FAT3: variants seen among roughly 807,000 people sequenced by gnomAD.
FAT3 encodes protocadherin Fat 3.
Under a neutral mutation model 310.2 loss-of-function variants are expected in FAT3, and 95 were observed. The ratio of observed to expected loss-of-function variants is 0.31; its 90% confidence interval spans 0.26 to 0.36. FAT3 has a LOEUF of 0.36. Ranked by LOEUF, FAT3 falls within the 10% of genes least tolerant of loss-of-function variation. The pLI is 1.00. For synonymous variants in FAT3, 2,314 were observed against 2,192.9 expected, an observed-to-expected ratio of 1.06 and a Z score of -1.54; for missense variants, 5,408 against 5,715.6, an observed-to-expected ratio of 0.95 and a Z score of 1.74.
intron 20 of FAT3, among the ~76,000 whole-genome samples, chr11:92,857,694 G>T (rs1407363178): frequency 6.6e-6 from 1 of 152,166 alleles, no homozygotes; most frequent in Non-Finnish European, 1.5e-5. Flanking sequence ...CATGGCCTTT[G>T]ATGCTCAGGG....
At chr11:92,711,656 G>A (rs991743229) in intron 4 of FAT3, among the ~76,000 whole-genome samples, 1 of 152,148 alleles carries the variant, frequency 6.6e-6, no homozygotes, top group African/African-American at 2.4e-5. Context: ...CCTACTGAAG[G>A]AAAAATTATA....
At chr11:92,272,446 G>A (rs561806607) in intron 1 of FAT3, among the ~76,000 whole-genome samples, 1 of 152,242 alleles carries the variant, frequency 6.6e-6, no homozygotes, top group South Asian at 2.1e-4. Context: ...TAGGTTAGAG[G>A]ACAGGATGGT....
intron 3 of FAT3, among the ~76,000 whole-genome samples, chr11:92,642,712 G>A (rs1942006530): frequency 6.6e-6 from 1 of 152,166 alleles, no homozygotes; most frequent in Non-Finnish European, 1.5e-5. Flanking sequence ...TTACTTACTG[G>A]GAGACAGCAG....
intron 1 of FAT3, among the ~76,000 whole-genome samples, chr11:92,339,895 G>A (rs1158137611): frequency 6.6e-6 from 1 of 152,020 alleles, no homozygotes; most frequent in Non-Finnish European, 1.5e-5. Context: ...GGGCGATCAC[G>A]AGGTCAGGAG....
At chr11:92,557,395 T>A (rs1436800107) in intron 3 of FAT3, among the ~76,000 whole-genome samples, 2 of 152,130 alleles carry the variant, frequency 1.3e-5, no homozygotes, top group East Asian at 3.9e-4. Context: ...GAGAGTTTGT[T>A]GAATCCCTTT....
intron 18 of FAT3, among the ~76,000 whole-genome samples, chr11:92,843,712 G>A (rs775984487): frequency 5.9e-5 from 9 of 152,120 alleles, no homozygotes; most frequent in Non-Finnish European, 1.0e-4. Flanking sequence ...TTATTGTGTT[G>A]ATACATTTTA....
At chr11:92,586,804 A>G (rs1349678313) in intron 3 of FAT3, among the ~76,000 whole-genome samples, 1 of 152,018 alleles carries the variant, frequency 6.6e-6, no homozygotes, top group Non-Finnish European at 1.5e-5. Flanking sequence ...GCATTGAAAT[A>G]TCATGCTTTT....
At chr11:92,828,265 G>C (rs1300796501) in intron 13 of FAT3, among the ~76,000 whole-genome samples, 1 of 151,998 alleles carries the variant, frequency 6.6e-6, no homozygotes, top group African/African-American at 2.4e-5. Context: ...CAGGAACATG[G>C]CAAAGACCCA....
intron 13 of FAT3, among the ~76,000 whole-genome samples, chr11:92,812,355 G>A (rs899434948): frequency 2.0e-5 from 3 of 152,090 alleles, no homozygotes; most frequent in South Asian, 2.1e-4. Flanking sequence ...GGCCGAAGTG[G>A]GCGGATCACG....
At chr11:92,435,468 A>ATCCATCCT (rs753940306) in intron 2 of FAT3, among the ~76,000 whole-genome samples, 1 of 107,986 alleles carries the variant, frequency 9.3e-6, no homozygotes, top group African/African-American at 3.3e-5. Context: ...TCTTTTATTT[A>ATCCATCCT]TCCTTCCTTC....
intron 2 of FAT3, among the ~76,000 whole-genome samples, chr11:92,435,347 A>G (rs899405967): frequency 6.6e-6 from 1 of 152,170 alleles, no homozygotes; most frequent in Non-Finnish European, 1.5e-5. Flanking sequence ...TTCTGTGACC[A>G]CTACTAACTG....
intron 3 of FAT3, among the ~76,000 whole-genome samples, chr11:92,618,237 C>T (rs1182156582): frequency 2.0e-5 from 3 of 152,190 alleles, no homozygotes; most frequent in Non-Finnish European, 4.4e-5. Context: ...GACTGCTGTG[C>T]TAGCGGTGAG....
In FAT3 at chr11:92,603,850, C is replaced by T. The variant is rs545316757; in HGVS notation, c.3607+78902C>T. On this transcript the variant is annotated intron_variant, in intron 3 of 27. Transcript: ENST00000525166. Reference sequence around the variant, plus strand: ...ACGTTCTTCTTCTCTGACTTTTAGCCATTCCAGGATCTCTGTTTTCACTGG... The same window carrying T: ...ACGTTCTTCTTCTCTGACTTTTAGCTATTCCAGGATCTCTGTTTTCACTGG... Among the ~76,000 whole-genome samples, 7 of 152,306 alleles carry T rather than the reference C, an allele frequency of 4.6e-5. No individual in the cohort carries two copies. In the South Asian group the frequency reaches 1.2e-3, roughly 27 times the overall value.
intron 3 of FAT3, among the ~76,000 whole-genome samples, chr11:92,616,989 C>T (rs1565460195): frequency 6.6e-6 from 1 of 152,054 alleles, no homozygotes; most frequent in East Asian, 1.9e-4. Flanking sequence ...ATCTTTGTGG[C>T]ATTCTCTGTA....
intron 2 of FAT3, among the ~76,000 whole-genome samples, chr11:92,380,567 A>C (rs150341461): frequency 1.1e-3 from 162 of 152,336 alleles, no homozygotes; most frequent in African/African-American, 3.8e-3. Flanking sequence ...CAGAGATAAT[A>C]CACAGCCAAC....
chr11:92,842,216 T>C (rs972164651), intron 18 of FAT3, among the ~76,000 whole-genome samples: 4 of 152,204 alleles, frequency 2.6e-5, no homozygotes, highest in Non-Finnish European at 5.9e-5. Context: ...ATCTGTTGGT[T>C]TTCTAGTGTT....
At position 92,354,269 on chromosome 11, in the gene FAT3, T is replaced by C; in HGVS notation, c.2157T>C (p.Asn719=). 6.2e-7 allele frequency: 1 copy of C among 1,613,708 alleles called. No individual in the cohort carries two copies. Residue 719 remains asparagine, a synonymous_variant, in exon 2 of 28, where the codon AAT becomes AAC. Transcript: ENST00000525166. ...GATTTCTTGACTTTTATTCAATTAA[T>C]AGACAGGGACCATATTTTGACAAGT... ...EDGFLDFYSI[N]RQGPYFDKSF... is the part of the protein sequence containing the mutation.
In FAT3 at chr11:92,466,854, T is replaced by A. The variant is rs1264423588; in HGVS notation, c.3293-57780T>A. On this transcript the variant is annotated intron_variant, in intron 2 of 27. Coordinates refer to ENST00000525166, the MANE Select transcript of FAT3 (RefSeq NM_001367949.2). ...GGTGTTTGGTTTTTTGTCTTTGCTA[T>A]AGTTTACTGAGAATGATGATTTCCA... is the stretch of plus-strand genomic sequence containing the variant. 1.5e-3 allele frequency among the ~76,000 whole-genome samples: 222 copies of A among 150,802 alleles called. 1 individual carries two copies. Among genetic ancestry groups the A allele is most frequent in the Admixed American group, 0.013 (196 of 14,604 alleles).
chr11:92,801,865 G>C lies in FAT3; in HGVS notation c.8852G>C (p.Arg2951Thr), dbSNP rs375952962. Residue 2951 changes from arginine (R) to threonine (T), a missense_variant, in exon 10 of 28, where the codon AGA becomes ACA. This residue lies in a region of FAT3 where 4,588 missense variants were observed against 4,809.8 expected (regional missense o/e 0.95). Coordinates refer to ENST00000525166, the MANE Select transcript of FAT3 (RefSeq NM_001367949.2). ...GTAGCCGTCCTCAGCACCTGGGACA[G>C]AGACACATCCGACGTTAATCGCCAA... Reference protein sequence around the residue: ...EVVAVLSTWDRDTSDVNRQVS... With the variant: ...EVVAVLSTWDTDTSDVNRQVS... 1 of 1,613,930 alleles carries C rather than the reference G, an allele frequency of 6.2e-7. No homozygotes were observed. The highest frequency in any genetic ancestry group is 8.5e-7 in the Non-Finnish European group (1 of 1,179,844).
Sources: allele counts gnomAD v4.1 joint callset (sites outside exome capture counted in the v4.1 genomes callset), GRCh38; gene constraint gnomAD v4.1.1; regional missense constraint gnomAD v4.1.1; transcripts MANE v1.5; gene names NCBI Gene and HGNC (gene_info 2026-07-23, HGNC 2026-07-21).